The following NOS2 variants were observed in gnomAD, a reference collection of about 807,000 sequenced individuals.
NOS2 encodes the protein nitric oxide synthase, inducible.
NOS2 carries 96 observed loss-of-function variants against 136.0 expected under a neutral mutation model. The observed-to-expected ratio is 0.71, with a 90% CI of 0.60 to 0.84. The LOEUF is 0.84. Ranked by LOEUF, NOS2 falls within the 40% of genes least tolerant of loss-of-function variation. The pLI is 0.00. For synonymous variants in NOS2, 539 were observed against 587.5 expected, an observed-to-expected ratio of 0.92 and a Z score of 1.20; for missense variants, 1,237 against 1,496.9, an observed-to-expected ratio of 0.83 and a Z score of 2.87.
intron 3 of NOS2, 50 bp downstream of exon 3, chr17:27,789,554 T>G: frequency 2.1e-6 from 3 of 1,399,996 alleles, no homozygotes; most frequent in East Asian, 2.3e-5. Flanking sequence ...TGTCTGCATC[T>G]GCCTGGACCA....
intron 14 of NOS2, among the ~76,000 whole-genome samples, chr17:27,771,997 CTGCATCCTGCAGAGCA>C (rs1471104928): frequency 1.3e-5 from 2 of 152,352 alleles, no homozygotes; most frequent in African/African-American, 4.8e-5. Context: ...ACATGCAGCA[CTGCATCCTGCAGAGCA>C]GGTGTTCAGT....
At chr17:27,782,182 G>C (rs959378839) in intron 6 of NOS2, 76 bp from the exon 7 acceptor site, 7 of 1,287,772 alleles carry the variant, frequency 5.4e-6, no homozygotes, top group Non-Finnish European at 7.8e-6. Context: ...GAAGTCACTG[G>C]GAATCAATAG....
chr17:27,762,221 T>G (rs751909059), intron 22 of NOS2, among the ~76,000 whole-genome samples: 1 of 152,194 alleles, frequency 6.6e-6, no homozygotes, highest in Non-Finnish European at 1.5e-5. Flanking sequence ...ATTATTTCTA[T>G]GCCTATCTCT....
chr17:27,774,370 C>A lies in NOS2; in HGVS notation c.1363G>T (p.Gly455Trp). ...KYMQNEYRSR[G>W]GCPADWIWLV... ...CAAATCCAGTCTGCCGGGCAGCCCC[C>A]ACGGGACCGGTATTCATTCTGCATG... The change falls in exon 12 of 27, where the codon GGG (glycine) becomes TGG (tryptophan). Residue 455 changes from glycine (G) to tryptophan (W), a missense_variant. Coordinates refer to ENST00000313735, the MANE Select transcript of NOS2 (RefSeq NM_000625.4). 1 of 1,583,076 alleles carries A rather than the reference C, an allele frequency of 6.3e-7. No homozygotes were observed. Among genetic ancestry groups the A allele is most frequent in the Admixed American group, 1.8e-5 (1 of 55,602 alleles).
chr17:27,768,843 G>T, intron 17 of NOS2, 134 bp downstream of exon 17: 1 of 989,418 alleles, frequency 1.0e-6, no homozygotes, highest in Non-Finnish European at 1.4e-6. Context: ...TTGTGGCCCT[G>T]GCCCATGCCT....
Position 27,787,760 on chromosome 17 carries a change from G to A in NOS2, c.385C>T (p.Pro129Ser), listed in dbSNP as rs767051036. Residue 129 changes from proline (P) to serine (S), a missense_variant, in exon 5 of 27, where the codon CCC becomes TCC. By Grantham distance (74) the Pro-to-Ser change is moderately conservative. This residue lies in a region of NOS2 where 440 missense variants were observed against 545.4 expected (regional missense o/e 0.81). Transcript: ENST00000313735. ...IMTPKSLTRG[P>S]RDKPTPPDEL... ...TCTGGAGGGGTAGGCTTGTCCCTGGGTCCTCTGGTCAAACTTTTGGGAGTC... is the reference window on the plus strand; with the variant it reads ...TCTGGAGGGGTAGGCTTGTCCCTGGATCCTCTGGTCAAACTTTTGGGAGTC... 2 of 1,613,586 alleles carry A rather than the reference G, an allele frequency of 1.2e-6. No homozygotes were observed. The highest frequency in any genetic ancestry group is 1.7e-5 in the Admixed American group (1 of 59,966).
At chr17:27,760,947 G>T (rs1227310094) in intron 23 of NOS2, among the ~76,000 whole-genome samples, 197 bp downstream of exon 23, 1 of 152,146 alleles carries the variant, frequency 6.6e-6, no homozygotes, top group Non-Finnish European at 1.5e-5. Context: ...TCTGTAAAAG[G>T]GCCAAGCTCA....
Position 27,788,889 on chromosome 17 carries a change from A to T in NOS2, c.238T>A (p.Ser80Thr), listed in dbSNP as rs759311350. 1.2e-6 allele frequency: 2 copies of T among 1,614,108 alleles called. No homozygotes were observed. The highest frequency in any genetic ancestry group is 4.5e-5 in the East Asian group (2 of 44,880). ...SLVKLDATPL[S>T]SPRHVRIKNW... Reference sequence around the variant, plus strand: ...TTGATCCTCACATGCCGTGGGGAGGACAATGGGGTTGCATCCAGCTTGACC... The same window carrying T: ...TTGATCCTCACATGCCGTGGGGAGGTCAATGGGGTTGCATCCAGCTTGACC... The change falls in exon 4 of 27, where the codon TCC becomes ACC. Residue 80 changes from serine to threonine, a missense_variant. By Grantham distance (58) the Ser-to-Thr change is moderately conservative. Transcript: ENST00000313735.
In NOS2 at chr17:27,774,379, G is replaced by C; in HGVS notation, c.1354C>G (p.Arg452Gly). The change falls in exon 12 of 27, where the codon CGG becomes GGG. Residue 452 changes from arginine to glycine, a missense_variant. This residue lies in a region of NOS2 where 782 missense variants were observed against 909.9 expected (regional missense o/e 0.86). Coordinates refer to ENST00000313735, the MANE Select transcript of NOS2 (RefSeq NM_000625.4). ...SFMKYMQNEYRSRGGCPADWI... is the reference protein window; with the variant it reads ...SFMKYMQNEYGSRGGCPADWI... ...TCTGCCGGGCAGCCCCCACGGGACC[G>C]GTATTCATTCTGCATGTACTTCATG... The C allele has an allele frequency of 6.3e-7, 1 of 1,581,738 alleles. No homozygotes were observed. Among genetic ancestry groups the C allele is most frequent in the Non-Finnish European group, 8.6e-7 (1 of 1,163,838 alleles).
intron 16 of NOS2, among the ~76,000 whole-genome samples, 190 bp downstream of exon 16, chr17:27,769,345 C>T (rs56178543): frequency 3.3e-5 from 5 of 152,112 alleles, no homozygotes; most frequent in Non-Finnish European, 4.4e-5. Flanking sequence ...GCTTGGCCTG[C>T]AGACCTGTGA....
chr17:27,799,530 G>A (rs907183551), intron 1 of NOS2, among the ~76,000 whole-genome samples: 5 of 152,234 alleles, frequency 3.3e-5, no homozygotes, highest in African/African-American at 4.8e-5. Context: ...TTAGAAGACA[G>A]TGTAGTGAAT....
intron 3 of NOS2, 28 bp from the exon 4 acceptor site, chr17:27,788,959 C>T (rs759114282): frequency 6.2e-7 from 1 of 1,610,830 alleles, no homozygotes; most frequent in Non-Finnish European, 8.5e-7. Context: ...AGGGTTTTCT[C>T]TCAGGTCTCT....
In NOS2 at chr17:27,768,993, GC is replaced by G; in HGVS notation, c.2017del (p.Ala673ProfsTer30). 1 of 1,608,170 alleles carries G rather than the reference GC, an allele frequency of 6.2e-7. No individual in the cohort carries two copies. Reference sequence around the variant, plus strand: ...GGAACTGACCTTGAAGGTTTGCACGGCCCAGCTGCGGAAGGCGTCCTCCTGC... The same window carrying G: ...GGAACTGACCTTGAAGGTTTGCACGGCCAGCTGCGGAAGGCGTCCTCCTGC... The part of the protein sequence containing the change: ...SGQEDAFRSW[A>X]VQTFKAACET... On this transcript the variant is annotated frameshift_variant, in exon 17 of 27. Coordinates refer to ENST00000313735, the MANE Select transcript of NOS2 (RefSeq NM_000625.4). LOFTEE classifies it high-confidence loss of function.
At chr17:27,771,130 TCATCTGTCTCTCC>T (rs1908482687) in intron 14 of NOS2, 113 bp from the exon 15 acceptor site, 1 of 718,808 alleles carries the variant, frequency 1.4e-6, no homozygotes, top group African/African-American at 1.7e-5. Context: ...GCTCCTGTGC[TCATCTGTCTCTCC>T]CAGGGCCCGG....
intron 15 of NOS2, 64 bp downstream of exon 15, chr17:27,770,849 A>T (rs1427709029): frequency 4.1e-6 from 5 of 1,218,680 alleles, no homozygotes; most frequent in Non-Finnish European, 6.0e-6. Flanking sequence ...CATCCCCCAG[A>T]CCCTTTCCTG....
At chr17:27,782,252 A>G in intron 6 of NOS2, 146 bp from the exon 7 acceptor site, 2 of 686,536 alleles carry the variant, frequency 2.9e-6, no homozygotes, top group Admixed American at 2.2e-5. Context: ...GCAGCCTCCA[A>G]TCTGCACCTG....
chr17:27,795,053 G>A (rs1322333154), intron 2 of NOS2, among the ~76,000 whole-genome samples: 4 of 151,432 alleles, frequency 2.6e-5, no homozygotes, highest in East Asian at 2.0e-4. Flanking sequence ...CCTCTAGCAC[G>A]GTCCCAGTAC....
At chr17:27,763,191 G>A (rs1253400615) in intron 21 of NOS2, among the ~76,000 whole-genome samples, 186 bp from the exon 22 acceptor site, 7 of 152,218 alleles carry the variant, frequency 4.6e-5, no homozygotes, top group South Asian at 2.1e-4. Context: ...GAGGAACTCA[G>A]TCCAGTACAT....
At position 27,759,087 on chromosome 17, in the gene NOS2, G is replaced by A. The variant is rs200234902; in HGVS notation, c.3160-12C>T. ...TCCTGAACATAGACCTGAAACCAGA[G>A]GAAACAGTGGGTTCAGTCCTCAGCT... On this transcript the variant is annotated splice_polypyrimidine_tract_variant and intron_variant, in intron 25 of 26. Transcript: ENST00000313735. 54 of 1,567,542 alleles carry A rather than the reference G, an allele frequency of 3.4e-5. No individual in the cohort carries two copies. In the African/African-American group the frequency reaches 6.8e-4, roughly 20 times the overall value.
Sources: allele counts gnomAD v4.1 joint callset (sites outside exome capture counted in the v4.1 genomes callset), GRCh38; gene constraint gnomAD v4.1.1; regional missense constraint gnomAD v4.1.1; transcripts MANE v1.5; gene names NCBI Gene and HGNC (gene_info 2026-07-23, HGNC 2026-07-21).